Variants in MTIF2 observed in about 807,000 individuals in gnomAD.
The protein encoded by MTIF2 is translation initiation factor IF-2, mitochondrial.
In MTIF2, 71 loss-of-function variants were observed where a neutral mutation model predicts 83.5. That is an observed-to-expected ratio of 0.85 (90% confidence interval 0.70 to 1.04). MTIF2 has a LOEUF of 1.04. MTIF2 is among the 50% of genes least tolerant of loss of function. The pLI is 0.00. For missense variants in MTIF2, 957 were observed against 846.5 expected (o/e 1.13, Z -1.62); for synonymous variants, 319 against 287.1 (o/e 1.11, Z -1.12).
Position 55,263,874 on chromosome 2 carries a change from A to T in MTIF2, c.-7-9T>A. On this transcript the variant is annotated splice_polypyrimidine_tract_variant and intron_variant, in intron 3 of 15. Transcript: ENST00000263629. Reference sequence around the variant, plus strand: ...TCTGGTTCATGTTTCTCCTGGGGAAAAAAAAAAGGTTTTAAAATAATATTC... The same window carrying T: ...TCTGGTTCATGTTTCTCCTGGGGAATAAAAAAAGGTTTTAAAATAATATTC... 6.3e-7 allele frequency: 1 copy of T among 1,588,402 alleles called. No homozygotes were observed. Among genetic ancestry groups the T allele is most frequent in the Non-Finnish European group, 8.6e-7 (1 of 1,164,712 alleles).
Position 55,252,621 on chromosome 2 carries a change from G to C in MTIF2, c.697C>G (p.Leu233Val), listed in dbSNP as rs1436281271. Reference sequence around the variant, plus strand: ...AAAGCAGCATGTCCTGGAGTATCAAGAAAAGTTATCTTTTCCCCAGAAGGC... The same window carrying C: ...AAAGCAGCATGTCCTGGAGTATCAACAAAAGTTATCTTTTCCCCAGAAGGC... ...SLPSGEKITF[L>V]DTPGHAAFSA... Residue 233 changes from leucine (L) to valine (V), a missense_variant, in exon 8 of 16, where the codon CTT becomes GTT. Physicochemically the swap from Leu to Val is conservative, Grantham distance 32 (BLOSUM62 1). Coordinates refer to ENST00000263629, the MANE Select transcript of MTIF2 (RefSeq NM_002453.3). 6.2e-7 allele frequency: 1 copy of C among 1,613,422 alleles called. No homozygotes were observed. Among genetic ancestry groups the C allele is most frequent in the East Asian group, 2.2e-5 (1 of 44,864 alleles).
At position 55,242,995 on chromosome 2, in the gene MTIF2, A is replaced by G; in HGVS notation, c.1650T>C (p.His550=). 6.2e-7 allele frequency: 1 copy of G among 1,612,982 alleles called. No individual in the cohort carries two copies. Among genetic ancestry groups the G allele is most frequent in the Non-Finnish European group, 8.5e-7 (1 of 1,179,436 alleles). ...TTGCACTTACATCACCCACTCCAAAATGTACTAATTCTAGTTCACACTCGT... is the reference window on the plus strand; with the variant it reads ...TTGCACTTACATCACCCACTCCAAAGTGTACTAATTCTAGTTCACACTCGT... The part of the protein sequence containing the change: ...ASHECELELV[H]FGVGDVSAND... Residue 550 remains histidine (H), a synonymous_variant, in exon 13 of 16, where the codon CAT becomes CAC. Coordinates refer to ENST00000263629, the MANE Select transcript of MTIF2 (RefSeq NM_002453.3).
At chr2:55,264,550 C>G (rs1436234764) in intron 3 of MTIF2, among the ~76,000 whole-genome samples, 1 of 152,038 alleles carries the variant, frequency 6.6e-6, no homozygotes, top group Non-Finnish European at 1.5e-5. Context: ...ATTTCTTACA[C>G]TCTTAGAGTC....
intron 8 of MTIF2, among the ~76,000 whole-genome samples, chr2:55,249,883 G>A (rs536800310): frequency 1.3e-5 from 2 of 152,272 alleles, no homozygotes; most frequent in East Asian, 3.9e-4. Flanking sequence ...CCTGAGGTCA[G>A]GAGTTTGAGA....
rs749184334 is a variant in MTIF2, at chr2:55,237,314, GTTAGT to G, written c.1980_1984del (p.Lys660AsnfsTer3). The stretch of plus-strand genomic sequence containing the variant: ...CTTCCAAATTACATGTCCATTACGG[GTTAGT>G]TTAAATTTTTTTTGTTTTTCTAACT... On this transcript the variant is annotated frameshift_variant, in exon 15 of 16. Transcript: ENST00000263629. LOFTEE classifies it high-confidence loss of function. 2 of 1,612,700 alleles carry G rather than the reference GTTAGT, an allele frequency of 1.2e-6. No homozygotes were observed. The highest frequency in any genetic ancestry group is 1.1e-5 in the South Asian group (1 of 90,870).
At chr2:55,247,329 G>C (rs1031635454) in intron 9 of MTIF2, among the ~76,000 whole-genome samples, 1 of 152,200 alleles carries the variant, frequency 6.6e-6, no homozygotes, top group Non-Finnish European at 1.5e-5. Flanking sequence ...AGCTGAGACG[G>C]GCGGATCACT....
chr2:55,255,928 G>A (rs1244805713), intron 5 of MTIF2, among the ~76,000 whole-genome samples: 1 of 151,940 alleles, frequency 6.6e-6, no homozygotes, highest in Non-Finnish European at 1.5e-5. Context: ...CCAGGCTGAA[G>A]TGCAGTGGGG....
chr2:55,254,366 A>T (rs538719658), intron 6 of MTIF2, among the ~76,000 whole-genome samples, 165 bp from the exon 7 acceptor site: 2 of 152,176 alleles, frequency 1.3e-5, no homozygotes, highest in East Asian at 3.9e-4. Flanking sequence ...AGACTATTTA[A>T]TAACTGCCTA....
At chr2:55,247,331 C>T (rs1474615805) in intron 9 of MTIF2, among the ~76,000 whole-genome samples, 2 of 152,152 alleles carry the variant, frequency 1.3e-5, no homozygotes, top group African/African-American at 2.4e-5. Flanking sequence ...CTGAGACGGG[C>T]GGATCACTTG....
intron 13 of MTIF2, among the ~76,000 whole-genome samples, chr2:55,240,515 G>A (rs1676227585): frequency 6.6e-6 from 1 of 152,062 alleles, no homozygotes; most frequent in African/African-American, 2.4e-5. Flanking sequence ...GGAGGCGGAG[G>A]TTGCAGTGAG....
chr2:55,263,718 T>C lies in MTIF2; in HGVS notation c.141A>G (p.Gln47=), dbSNP rs758796150. 1 of 1,614,168 alleles carries C rather than the reference T, an allele frequency of 6.2e-7. No homozygotes were observed. The highest frequency in any genetic ancestry group is 1.1e-5 in the South Asian group (1 of 91,084). The change falls in exon 4 of 16, where the codon CAA becomes CAG. Residue 47 remains glutamine (Q), a synonymous_variant. Coordinates refer to ENST00000263629, the MANE Select transcript of MTIF2 (RefSeq NM_002453.3). ...FSSAYPVWTA[Q]LCAWPWPTDV... ...CTGTTGGCCAGGGCCAGGCACACAG[T>C]TGAGCTGTCCACACAGGGTAAGCAG...
At position 55,251,382 on chromosome 2, in the gene MTIF2, A is replaced by G. The variant is rs537168018; in HGVS notation, c.841+1095T>C. 4.6e-5 allele frequency among the ~76,000 whole-genome samples: 7 copies of G among 152,342 alleles called. No homozygotes were observed. The East Asian group carries it at 1.3e-3, about 29-fold the overall frequency. ...ATAACATTGGAAGCTAGCAGATCCA[A>G]ATTCCATATGCAGACATACTGAAAA... is the stretch of plus-strand genomic sequence containing the variant. On this transcript the variant is annotated intron_variant, in intron 8 of 15. Transcript: ENST00000263629.
At chr2:55,238,999 A>G (rs1170852168) in intron 14 of MTIF2, among the ~76,000 whole-genome samples, 1 of 152,338 alleles carries the variant, frequency 6.6e-6, no homozygotes, top group African/African-American at 2.4e-5. Context: ...AATCCAAATC[A>G]AGGTACATTC....
At chr2:55,255,549 A>T (rs1189739120) in intron 5 of MTIF2, among the ~76,000 whole-genome samples, 2 of 130,156 alleles carry the variant, frequency 1.5e-5, no homozygotes, top group African/African-American at 8.7e-5. Flanking sequence ...CAATTGCACT[A>T]TAACTCATGC....
intron 13 of MTIF2, 89 bp downstream of exon 13, chr2:55,242,851 G>T: frequency 2.2e-6 from 3 of 1,344,578 alleles, no homozygotes; most frequent in Non-Finnish European, 3.1e-6. Flanking sequence ...TAAATGTCAG[G>T]TGTGACAAGC....
chr2:55,258,764 A>G (rs1321553388), intron 5 of MTIF2, among the ~76,000 whole-genome samples: 2 of 148,446 alleles, frequency 1.3e-5, no homozygotes, highest in Admixed American at 7.0e-5. Context: ...GTGAGCTGAG[A>G]TCGTATCACT....
At chr2:55,238,587 C>T (rs2104273541) in intron 14 of MTIF2, among the ~76,000 whole-genome samples, 1 of 152,166 alleles carries the variant, frequency 6.6e-6, no homozygotes, top group East Asian at 1.9e-4. Context: ...GACGGGGTTT[C>T]ACCATGTTGG....
chr2:55,243,428 C>T lies in MTIF2; in HGVS notation c.1552G>A (p.Val518Met). The change falls in exon 12 of 16, where the codon GTG becomes ATG. Residue 518 changes from valine (V) to methionine (M), a missense_variant. By Grantham distance (21) the Val-to-Met change is conservative (BLOSUM62 1). Transcript: ENST00000263629. Reference sequence around the variant, plus strand: ...TTTAAAAAGATACCTTTAATAATCACAGAAAGTACATTTGAATCTCTTTCC... The same window carrying T: ...TTTAAAAAGATACCTTTAATAATCATAGAAAGTACATTTGAATCTCTTTCC... ...KRERDSNVLS[V>M]IIKGDVDGSV... 6.2e-7 allele frequency: 1 copy of T among 1,604,100 alleles called. No individual in the cohort carries two copies. Among genetic ancestry groups the T allele is most frequent in the Non-Finnish European group, 8.5e-7 (1 of 1,173,828 alleles).
Position 55,243,568 on chromosome 2 carries a change from T to G in MTIF2, c.1412A>C (p.Lys471Thr). The G allele has an allele frequency of 6.2e-7, 1 of 1,614,118 alleles. No homozygotes were observed. Among genetic ancestry groups the G allele is most frequent in the South Asian group, 1.1e-5 (1 of 91,078 alleles). The part of the protein sequence containing the change: ...KIIEEKRKEH[K>T]EAHQKAREKY... Reference sequence around the variant, plus strand: ...CTCACGGGCTTTCTGATGTGCTTCTTTGTGTTCCTTTCGCTTTTCTTCTAT... The same window carrying G: ...CTCACGGGCTTTCTGATGTGCTTCTGTGTGTTCCTTTCGCTTTTCTTCTAT... Residue 471 changes from lysine to threonine, a missense_variant, in exon 12 of 16, where the codon AAA becomes ACA. Lys to Thr is a moderately conservative substitution (Grantham distance 78, BLOSUM62 -1). This residue lies in a region of MTIF2 where 733 missense variants were observed against 648.7 expected (regional missense o/e 1.13). Transcript: ENST00000263629.
Sources: allele counts gnomAD v4.1 joint callset (sites outside exome capture counted in the v4.1 genomes callset), GRCh38; gene constraint gnomAD v4.1.1; regional missense constraint gnomAD v4.1.1; transcripts MANE v1.5; gene names NCBI Gene and HGNC (gene_info 2026-07-23, HGNC 2026-07-21).